The following VOPP1 variants were observed in gnomAD, a reference collection of about 807,000 sequenced individuals.
VOPP1 encodes the protein WW domain binding protein VOPP1.
A neutral mutation model predicts 23.5 loss-of-function variants in VOPP1; 8 were observed. The observed-to-expected ratio is 0.34, with a 90% confidence interval of 0.20 to 0.61. The LOEUF (loss-of-function observed/expected upper bound fraction) is 0.61, where lower values mean the gene tolerates loss of function less well. VOPP1 is among the 20% of genes least tolerant of loss of function. The pLI is 0.78. For synonymous variants in VOPP1, 83 were observed against 97.3 expected (o/e 0.85, Z 0.86); for missense variants, 174 against 238.1 (o/e 0.73, Z 1.77).
chr7:55,569,020 C>T (rs1433596917), intron 1 of VOPP1, among the ~76,000 whole-genome samples: 1 of 152,222 alleles, frequency 6.6e-6, no homozygotes, highest in African/African-American at 2.4e-5. Context: ...CTGCCACATT[C>T]GTGGCCTGGG....
At chr7:55,507,635 C>T (rs1216593915) in intron 2 of VOPP1, among the ~76,000 whole-genome samples, 2 of 152,174 alleles carry the variant, frequency 1.3e-5, no homozygotes, top group Admixed American at 6.5e-5. Context: ...ATCTGTCTTG[C>T]TTTCAAGTCA....
chr7:55,493,432 T>C (rs1205336109), intron 3 of VOPP1, among the ~76,000 whole-genome samples: 6 of 152,188 alleles, frequency 3.9e-5, no homozygotes, highest in African/African-American at 7.2e-5. Flanking sequence ...TAAAAGAAGC[T>C]CTTAAGAGCG....
rs774522771 is a variant in VOPP1 at position 55,472,986 on chromosome 7, C to G, written c.388G>C (p.Val130Leu). The G allele has an allele frequency of 6.9e-6, 11 of 1,593,336 alleles. No individual in the cohort carries two copies. Among genetic ancestry groups the G allele is most frequent in the South Asian group, 1.1e-5 (1 of 87,830 alleles). Residue 130 changes from valine to leucine, a missense_variant, in exon 5 of 5, where the codon GTC (valine) becomes CTC (leucine). Coordinates refer to ENST00000285279, the MANE Select transcript of VOPP1 (RefSeq NM_030796.5). The stretch of plus-strand genomic sequence containing the variant: ...AAAGCCATTGCCATGGAATTCCCGA[C>G]AGGGTTCATCCCCGGTCCTCCTGGG... The part of the protein sequence containing the change: ...TDPGGPGMNP[V>L]GNSMAMAFQV...
intron 2 of VOPP1, among the ~76,000 whole-genome samples, chr7:55,499,556 C>T (rs894725696): frequency 1.4e-4 from 22 of 152,174 alleles, no homozygotes; most frequent in African/African-American, 4.6e-4. Context: ...AAATAGTAAA[C>T]GAGAAAACAT....
At chr7:55,498,086 C>T (rs759823162) in intron 2 of VOPP1, among the ~76,000 whole-genome samples, 4 of 152,178 alleles carry the variant, frequency 2.6e-5, no homozygotes, top group South Asian at 2.1e-4. Context: ...TCCCCGACTA[C>T]GGGGAAAAGA....
At chr7:55,559,662 G>T (rs1286880336) in intron 1 of VOPP1, among the ~76,000 whole-genome samples, 1 of 152,174 alleles carries the variant, frequency 6.6e-6, no homozygotes, top group Non-Finnish European at 1.5e-5. Context: ...CCACTGGGGT[G>T]ACTAGCTATT....
intron 1 of VOPP1, among the ~76,000 whole-genome samples, chr7:55,559,887 C>T (rs750633494): frequency 1.5e-4 from 23 of 152,354 alleles, no homozygotes; most frequent in South Asian, 8.3e-4. Flanking sequence ...GGCGCAGTGT[C>T]TCATGCCTGT....
At chr7:55,451,525 C>T (rs1791243455) in intron 4 of VOPP1, among the ~76,000 whole-genome samples, 1 of 152,230 alleles carries the variant, frequency 6.6e-6, no homozygotes, top group African/African-American at 2.4e-5. Context: ...GATGTAGTGG[C>T]TCACGCCTGT....
intron 1 of VOPP1, chr7:55,537,694 T>C (rs1369936869): frequency 2.8e-6 from 4 of 1,452,212 alleles, no homozygotes; most frequent in African/African-American, 2.8e-5. Flanking sequence ...TGAGAACATC[T>C]ACCATGGAGG....
rs1348142959 is a variant in VOPP1 at position 55,572,443 on chromosome 7, G to T, written c.-119C>A. On this transcript the variant is annotated 5_prime_UTR_variant, in exon 1 of 5. Transcript: ENST00000285279. ...CCGGGAGCCGTCCCGCCGACCGCTGGGGGGCCCGGCTGGGAGCGGGCGGGA... is the reference window on the plus strand; with the variant it reads ...CCGGGAGCCGTCCCGCCGACCGCTGTGGGGCCCGGCTGGGAGCGGGCGGGA... The T allele has an allele frequency of 8.4e-6, 6 of 717,616 alleles. No homozygotes were observed. In the East Asian group the frequency reaches 3.5e-4, roughly 42 times the overall value. 44.5% of individuals were successfully genotyped at this position (717,616 alleles called of 1,614,324 possible).
At chr7:55,445,565 C>T (rs867844304) in intron 4 of VOPP1, among the ~76,000 whole-genome samples, 17 of 152,172 alleles carry the variant, frequency 1.1e-4, no homozygotes, top group Middle Eastern at 3.2e-3. Flanking sequence ...TCTCTGTCAA[C>T]CTAGGACAAT....
chr7:55,485,046 G>A (rs1793031187), intron 4 of VOPP1, among the ~76,000 whole-genome samples: 1 of 152,224 alleles, frequency 6.6e-6, no homozygotes, highest in African/African-American at 2.4e-5. Flanking sequence ...AAACTGTGCA[G>A]GGCTTCTTTT....
chr7:55,492,514 C>T (rs815951), intron 3 of VOPP1, 96 bp from the exon 4 acceptor site: 449,437 of 1,374,518 alleles, frequency 0.33, 75,450 homozygotes, highest in Admixed American at 0.51. Context: ...CTCGGGGGTC[C>T]GGGACCAATG....
chr7:55,529,964 G>C (rs754128264), intron 1 of VOPP1, among the ~76,000 whole-genome samples: 5 of 152,146 alleles, frequency 3.3e-5, no homozygotes, highest in African/African-American at 1.2e-4. Context: ...CCAGCCTATG[G>C]ACATCTGGGT....
intron 1 of VOPP1, among the ~76,000 whole-genome samples, chr7:55,534,617 C>T (rs1382818708): frequency 1.3e-5 from 2 of 152,222 alleles, no homozygotes; most frequent in Non-Finnish European, 2.9e-5. Context: ...TCCTCCCCAC[C>T]CATTTCTCCA....
chr7:55,550,595 T>C (rs991027554), intron 1 of VOPP1, among the ~76,000 whole-genome samples: 4 of 152,154 alleles, frequency 2.6e-5, no homozygotes, highest in Non-Finnish European at 5.9e-5. Flanking sequence ...TTCAGCATTC[T>C]TACAATATAT....
chr7:55,481,193 G>A lies in VOPP1; in HGVS notation c.329-8148C>T, dbSNP rs535410523. On this transcript the variant is annotated intron_variant, in intron 4 of 4. Transcript: ENST00000285279. ...GGAATGGCTGTCTGGAGGGTCTCAG[G>A]ACAAGTCACAGGCCAGTGAGTGGCA... Among the ~76,000 whole-genome samples, 3 of 152,354 alleles carry A rather than the reference G, an allele frequency of 2.0e-5. No homozygotes were observed. The East Asian group carries it at 5.8e-4, about 29-fold the overall frequency.
At chr7:55,497,562 G>A (rs1033052434) in intron 3 of VOPP1, 51 bp downstream of exon 3, 5 of 1,391,234 alleles carry the variant, frequency 3.6e-6, no homozygotes, top group Admixed American at 1.9e-5. Flanking sequence ...GATGGGGGGG[G>A]GGGGGGGGCA....
At chr7:55,450,272 G>A (rs907570949) in intron 4 of VOPP1, among the ~76,000 whole-genome samples, 29 of 152,020 alleles carry the variant, frequency 1.9e-4, no homozygotes, top group East Asian at 7.7e-4. Flanking sequence ...CCAGTCCTCC[G>A]CCTCTTCTCT....
Sources: allele counts gnomAD v4.1 joint callset (sites outside exome capture counted in the v4.1 genomes callset), GRCh38; gene constraint gnomAD v4.1.1; transcripts MANE v1.5; gene names NCBI Gene and HGNC (gene_info 2026-07-23, HGNC 2026-07-21).